Variants in RAD51AP1 observed in about 807,000 individuals in gnomAD.
RAD51AP1 encodes RAD51 associated protein 1.
A neutral mutation model predicts 34.3 loss-of-function variants in RAD51AP1; 14 were observed. The observed-to-expected ratio is 0.41, with a 90% CI of 0.27 to 0.64. RAD51AP1 has a LOEUF of 0.64. RAD51AP1 is among the 30% of genes least tolerant of loss of function. The probability of loss-of-function intolerance (pLI) is 0.33; values close to 1 mark genes in which losing one functional copy is unlikely to be tolerated. For missense variants in RAD51AP1, 348 were observed against 386.9 expected (o/e 0.90, Z 0.84); for synonymous variants, 114 against 129.8 (o/e 0.88, Z 0.83).
chr12:4,549,095 A>G (rs1300638491), intron 6 of RAD51AP1, among the ~76,000 whole-genome samples: 3 of 152,236 alleles, frequency 2.0e-5, no homozygotes, highest in Non-Finnish European at 2.9e-5. Flanking sequence ...ACAGAAAGGC[A>G]TTACCTGTGG....
chr12:4,553,256 T>C (rs1944559574), intron 7 of RAD51AP1, 109 bp downstream of exon 7: 2 of 987,460 alleles, frequency 2.0e-6, no homozygotes, highest in Non-Finnish European at 2.8e-6. Flanking sequence ...CTAACGTCCA[T>C]TTCTTGTTAA....
At chr12:4,556,612 C>A in intron 8 of RAD51AP1, 110 bp downstream of exon 8, 2 of 1,282,878 alleles carry the variant, frequency 1.6e-6, no homozygotes, top group Admixed American at 2.5e-5. Flanking sequence ...ATTACATATT[C>A]TTCAAAACCA....
chr12:4,555,996 G>C (rs1351621360), intron 7 of RAD51AP1, among the ~76,000 whole-genome samples: 1 of 152,188 alleles, frequency 6.6e-6, no homozygotes, highest in Non-Finnish European at 1.5e-5. Context: ...GTAATGGTTA[G>C]TTACAAGGAT....
At chr12:4,554,403 C>T (rs1944568397) in intron 7 of RAD51AP1, among the ~76,000 whole-genome samples, 1 of 152,218 alleles carries the variant, frequency 6.6e-6, no homozygotes, top group African/African-American at 2.4e-5. Flanking sequence ...TGCAAAGTCC[C>T]TTTGCCATGT....
Position 4,556,439 on chromosome 12 carries a change from A to G in RAD51AP1, c.808A>G (p.Arg270Gly). ...GGTTTCTCTGTCTTCAGATACCACTAGGAAACCATTAGAAATACGCAGTCC... is the reference window on the plus strand; with the variant it reads ...GGTTTCTCTGTCTTCAGATACCACTGGGAAACCATTAGAAATACGCAGTCC... ...KKVSLSSDTT[R>G]KPLEIRSPSA... The change falls in exon 8 of 9, where the codon AGG (arginine) becomes GGG (glycine). Residue 270 changes from arginine (R) to glycine (G), a missense_variant. Coordinates refer to ENST00000352618, the MANE Select transcript of RAD51AP1 (RefSeq NM_006479.5). The G allele has an allele frequency of 6.2e-7, 1 of 1,613,606 alleles. No individual in the cohort carries two copies. The highest frequency in any genetic ancestry group is 2.2e-5 in the East Asian group (1 of 44,880).
intron 1 of RAD51AP1, 67 bp from the exon 2 acceptor site, chr12:4,541,817 T>C (rs1340898398): frequency 4.7e-6 from 3 of 645,070 alleles, no homozygotes; most frequent in Non-Finnish European, 7.4e-6. Flanking sequence ...TATTCATTAA[T>C]AGCCTTAAGT....
At chr12:4,551,919 T>C (rs1258361743) in intron 6 of RAD51AP1, among the ~76,000 whole-genome samples, 6 of 152,172 alleles carry the variant, frequency 3.9e-5, no homozygotes, top group Non-Finnish European at 7.4e-5. Context: ...CTGTCTACTG[T>C]GGTATAGGTT....
intron 8 of RAD51AP1, among the ~76,000 whole-genome samples, chr12:4,558,230 C>T (rs1247725414): frequency 6.6e-6 from 1 of 152,012 alleles, no homozygotes; most frequent in Non-Finnish European, 1.5e-5. Flanking sequence ...CTATTTTATA[C>T]CTTTCAAACT....
chr12:4,548,884 A>T (rs1403858027), intron 6 of RAD51AP1, 48 bp downstream of exon 6: 15 of 1,591,508 alleles, frequency 9.4e-6, no homozygotes, highest in Middle Eastern at 3.8e-4. Flanking sequence ...ATTCAGTCAA[A>T]AAAGTTCTTG....
intron 7 of RAD51AP1, among the ~76,000 whole-genome samples, chr12:4,554,855 C>A (rs547464335): frequency 2.0e-4 from 31 of 152,302 alleles, no homozygotes; most frequent in African/African-American, 7.2e-4. Context: ...ATGGTAACCT[C>A]TAGCCATGTG....
In RAD51AP1 at chr12:4,556,401, C is replaced by T; in HGVS notation, c.770C>T (p.Ser257Phe). 6.2e-7 allele frequency: 1 copy of T among 1,613,744 alleles called. No individual in the cohort carries two copies. Residue 257 changes from serine (S) to phenylalanine (F), a missense_variant, in exon 8 of 9, where the codon TCC (serine) becomes TTC (phenylalanine). Transcript: ENST00000352618. Reference protein sequence around the residue: ...APAAVKSESQSLPKKVSLSSD... With the variant: ...APAAVKSESQFLPKKVSLSSD... Reference sequence around the variant, plus strand: ...GCTGCCGTCAAATCAGAATCTCAGTCCTTGCCAAAAAAGGTTTCTCTGTCT... The same window carrying T: ...GCTGCCGTCAAATCAGAATCTCAGTTCTTGCCAAAAAAGGTTTCTCTGTCT...
chr12:4,543,848 C>G lies in RAD51AP1; in HGVS notation c.153C>G (p.Asn51Lys), dbSNP rs1275682622. ...KELKQDKPKPNLNNLRKEEIP... is the reference protein window; with the variant it reads ...KELKQDKPKPKLNNLRKEEIP... ...TAAAACAAGATAAACCAAAACCTAA[C>G]TTGAACAATCTCCGGAAAGAAGAAA... The change falls in exon 3 of 9, where the codon AAC becomes AAG. Residue 51 changes from asparagine to lysine, a missense_variant. Coordinates refer to ENST00000352618, the MANE Select transcript of RAD51AP1 (RefSeq NM_006479.5). The G allele has an allele frequency of 5.0e-6, 8 of 1,612,564 alleles. No individual in the cohort carries two copies. Among genetic ancestry groups the G allele is most frequent in the Non-Finnish European group, 6.8e-6 (8 of 1,179,088 alleles).
At chr12:4,539,845 AG>A (rs1944445234) in intron 1 of RAD51AP1, among the ~76,000 whole-genome samples, 1 of 152,168 alleles carries the variant, frequency 6.6e-6, no homozygotes, top group African/African-American at 2.4e-5. Context: ...AAAGGAGTTT[AG>A]GTTTTATTTT....
Position 4,543,121 on chromosome 12 carries a change from C to T in RAD51AP1, c.68-642C>T, listed in dbSNP as rs148156371. ...TTGCACCTAGGCTAGAGTGCAACAG[C>T]GCGATCTTGGCTCACTGCAACCTCT... On this transcript the variant is annotated intron_variant, in intron 2 of 8. Coordinates refer to ENST00000352618, the MANE Select transcript of RAD51AP1 (RefSeq NM_006479.5). Among the ~76,000 whole-genome samples the T allele has an allele frequency of 3.5e-3, 530 of 152,192 alleles. 3 individuals are homozygous for T. Among genetic ancestry groups the T allele is most frequent in the African/African-American group, 0.012 (482 of 41,530 alleles).
In RAD51AP1 at chr12:4,558,932, G is replaced by T. The variant is rs1159989955; in HGVS notation, c.947G>T (p.Arg316Leu). 6 of 1,614,098 alleles carry T rather than the reference G, an allele frequency of 3.7e-6. No individual in the cohort carries two copies. In the South Asian group the frequency reaches 6.6e-5, roughly 18 times the overall value. ...GTGAAGTCTCCCAATCAGAGTCTCCGCCTTGGCTTGTCCAGATTAGCACGA... is the reference window on the plus strand; with the variant it reads ...GTGAAGTCTCCCAATCAGAGTCTCCTCCTTGGCTTGTCCAGATTAGCACGA... Reference protein sequence around the residue: ...VSVKSPNQSLRLGLSRLARVK... With the variant: ...VSVKSPNQSLLLGLSRLARVK... The change falls in exon 9 of 9, where the codon CGC becomes CTC. Residue 316 changes from arginine (R) to leucine (L), a missense_variant. Physicochemically the swap from Arg to Leu is moderately radical, Grantham distance 102. Transcript: ENST00000352618.
Position 4,538,905 on chromosome 12 carries a change from T to TTG in RAD51AP1, c.-34_-33dup. 2 of 1,612,692 alleles carry TTG rather than the reference T, an allele frequency of 1.2e-6. No individual in the cohort carries two copies. The highest frequency in any genetic ancestry group is 8.5e-7 in the Non-Finnish European group (1 of 1,178,916). On this transcript the variant is annotated 5_prime_UTR_variant, in exon 1 of 9. Coordinates refer to ENST00000352618, the MANE Select transcript of RAD51AP1 (RefSeq NM_006479.5). ...AACCGCCGCTGAAGCCAACAAGAAT[T>TTG]TGAGAACTGTAAATACCAAGCCTTG...
chr12:4,549,416 A>G (rs1344797362), intron 6 of RAD51AP1, among the ~76,000 whole-genome samples: 1 of 152,232 alleles, frequency 6.6e-6, no homozygotes, highest in African/African-American at 2.4e-5. Flanking sequence ...TGTAGGCCAA[A>G]TCAAGATACC....
chr12:4,558,448 A>G (rs555151399), intron 8 of RAD51AP1, among the ~76,000 whole-genome samples: 12 of 152,350 alleles, frequency 7.9e-5, no homozygotes, highest in African/African-American at 2.9e-4. Context: ...AATATTTGCC[A>G]TTTTTAAAGG....
At chr12:4,543,663 C>A in intron 2 of RAD51AP1, 100 bp from the exon 3 acceptor site, 1 of 698,488 alleles carries the variant, frequency 1.4e-6, no homozygotes, top group Non-Finnish European at 2.2e-6. Flanking sequence ...GGAAATTAAA[C>A]AATTTGCCTA....
Sources: gnomAD v4.1 joint callset for allele counts (sites outside exome capture counted in the v4.1 genomes callset) on GRCh38, gnomAD v4.1.1 for gene constraint, MANE v1.5 for transcripts, NCBI Gene and HGNC (gene_info 2026-07-23, HGNC 2026-07-21) for gene names.